SNX18: variants seen among roughly 807,000 people sequenced by gnomAD.
SNX18 encodes the protein sorting nexin 18.
A neutral mutation model predicts 48.7 loss-of-function variants in SNX18; 35 were observed. The ratio of observed to expected loss-of-function variants is 0.72; its 90% CI spans 0.55 to 0.95. The LOEUF is 0.95. Ranked by LOEUF, SNX18 falls within the 40% of genes least tolerant of loss-of-function variation. The pLI, the probability that SNX18 is intolerant of heterozygous loss-of-function variation, is 0.00. For missense variants in SNX18, 824 were observed against 871.0 expected, an observed-to-expected ratio of 0.95 and a Z score of 0.68; for synonymous variants, 492 against 384.7, an observed-to-expected ratio of 1.28 and a Z score of -3.26.
At chr5:54,520,537 G>GAAACCTACTCCTGAGCAGAT (rs1360975523) in intron 1 of SNX18, 1 of 166,858 alleles carries the variant, frequency 6.0e-6, no homozygotes, top group Non-Finnish European at 1.5e-5. Context: ...CCTGAGCAGG[G>GAAACCTACTCCTGAGCAGAT]AAACCTACTG....
intron 1 of SNX18, among the ~76,000 whole-genome samples, chr5:54,533,932 A>AGC (rs1226345785): frequency 6.6e-6 from 1 of 152,122 alleles, no homozygotes; most frequent in Admixed American, 6.5e-5. Flanking sequence ...GTTAATGGGG[A>AGC]GTTAGTAGGG....
the SNX18 span, among the ~76,000 whole-genome samples, chr5:54,591,957 C>T: frequency 6.6e-6 from 1 of 152,204 alleles, no homozygotes; most frequent in Non-Finnish European, 1.5e-5. Context: ...CCTATCCTGG[C>T]TGATATAACT....
chr5:54,613,306 G>A, the SNX18 span, among the ~76,000 whole-genome samples: 5 of 151,718 alleles, frequency 3.3e-5, no homozygotes, highest in Non-Finnish European at 5.9e-5. Context: ...AGATTGGGAC[G>A]TTCAAGGTTG....
At chr5:54,642,947 G>A in the SNX18 span, among the ~76,000 whole-genome samples, 76 of 152,272 alleles carry the variant, frequency 5.0e-4, 1 homozygote, top group Non-Finnish European at 8.7e-4. Flanking sequence ...TGTAACACAC[G>A]TTTATCTTGG....
chr5:54,638,330 T>TG, the SNX18 span, among the ~76,000 whole-genome samples: 1 of 152,184 alleles, frequency 6.6e-6, no homozygotes, highest in Non-Finnish European at 1.5e-5. Flanking sequence ...GGGAGGGACT[T>TG]GGAGACAGAT....
In SNX18 at chr5:54,542,419, C is replaced by A. The variant is rs1762488729; in HGVS notation, c.1622-760C>A. On this transcript the variant is annotated intron_variant, in intron 1 of 1. Coordinates refer to ENST00000381410, the MANE Select transcript of SNX18 (RefSeq NM_001102575.2). ...GATCCTTATAGTCCCAAAAAAGGGG[C>A]AAATTCTTATTAAAGCCCTTGTACT... Among the ~76,000 whole-genome samples, 6 of 152,314 alleles carry A rather than the reference C, an allele frequency of 3.9e-5. No individual in the cohort carries two copies. In the South Asian group the frequency reaches 1.2e-3, roughly 32 times the overall value.
chr5:54,573,824 C>T, the SNX18 span, among the ~76,000 whole-genome samples: 1 of 152,184 alleles, frequency 6.6e-6, no homozygotes, highest in Non-Finnish European at 1.5e-5. Context: ...ATCTGGTAGA[C>T]TCAGTGCAGC....
At chr5:54,632,049 G>A in the SNX18 span, among the ~76,000 whole-genome samples, 1 of 152,202 alleles carries the variant, frequency 6.6e-6, no homozygotes, top group African/African-American at 2.4e-5. Flanking sequence ...AGCCTGGCAT[G>A]TCCTTGCCCC....
chr5:54,632,126 G>A, the SNX18 span, among the ~76,000 whole-genome samples: 8,014 of 152,250 alleles, frequency 0.053, 288 homozygotes, highest in Non-Finnish European at 0.082. Flanking sequence ...GCTGGTTCCT[G>A]GTCCCATAAG....
chr5:54,519,951 T>C, intron 1 of SNX18: 1 of 862,536 alleles, frequency 1.2e-6, no homozygotes, highest in Non-Finnish European at 1.8e-6. Context: ...GCACTGTCAC[T>C]TAGTGGTGAG....
At chr5:54,551,137 C>G (rs1169184065), downstream of SNX18, among the ~76,000 whole-genome samples, 1 of 151,328 alleles carries the variant, frequency 6.6e-6, no homozygotes, top group Non-Finnish European at 1.5e-5. Context: ...AGCTCTGTGC[C>G]AACCCCTTCG....
chr5:54,534,962 T>C (rs1014373877), intron 1 of SNX18, among the ~76,000 whole-genome samples: 13 of 152,228 alleles, frequency 8.5e-5, no homozygotes, highest in African/African-American at 3.1e-4. Context: ...TTTAATGATA[T>C]GCTGTGTAAA....
rs533929730 is a variant in SNX18, at chr5:54,532,064, A to G, written c.1622-11115A>G. The stretch of plus-strand genomic sequence containing the variant: ...TGCCTTGCCTTGGCTTCTCTCGTAA[A>G]GAGCAGGGGCCACTTTACTCTCTTC... On this transcript the variant is annotated intron_variant, in intron 1 of 1. Coordinates refer to ENST00000381410, the MANE Select transcript of SNX18 (RefSeq NM_001102575.2). 3.2e-4 allele frequency among the ~76,000 whole-genome samples: 49 copies of G among 152,308 alleles called. No individual in the cohort carries two copies. In the South Asian group the frequency reaches 5.2e-3, roughly 16 times the overall value.
chr5:54,518,552 C>G lies in SNX18; in HGVS notation c.600C>G (p.Asp200Glu). The G allele has an allele frequency of 6.3e-7, 1 of 1,589,270 alleles. No individual in the cohort carries two copies. The highest frequency in any genetic ancestry group is 8.6e-7 in the Non-Finnish European group (1 of 1,168,500). The change falls in exon 1 of 2, where the codon GAC becomes GAG. Residue 200 changes from aspartate (D) to glutamate (E), a missense_variant. By Grantham distance (45) the Asp-to-Glu change is conservative. Coordinates refer to ENST00000381410, the MANE Select transcript of SNX18 (RefSeq NM_001102575.2). ...AGRYRLSTRS[D>E]LSLGSRGGSV... The stretch of plus-strand genomic sequence containing the variant: ...GCTACCGCCTGTCCACGCGCTCCGA[C>G]CTGTCCCTGGGTTCCCGCGGCGGCT...
At chr5:54,550,014 G>A (rs181538209), downstream of SNX18, among the ~76,000 whole-genome samples, 10 of 152,308 alleles carry the variant, frequency 6.6e-5, 1 homozygote, top group East Asian at 7.7e-4. Flanking sequence ...TAAAAACATT[G>A]GAGTGCAGTT....
chr5:54,640,210 CTTTTT>C, the SNX18 span, among the ~76,000 whole-genome samples: 1 of 146,310 alleles, frequency 6.8e-6, no homozygotes, highest in East Asian at 2.0e-4. Flanking sequence ...GAAATAGATT[CTTTTT>C]TTTTTTTTCT....
rs1228629163 is a variant in SNX18 at position 54,544,214 on chromosome 5, C to T, written c.*782C>T. On this transcript the variant is annotated 3_prime_UTR_variant, in exon 2 of 2. Transcript: ENST00000381410. ...AGATGCAACAGTAGCATAGCCTCTT[C>T]ACCCAGGCGTCCCAAAAGCTTGGCG... 1.3e-5 allele frequency: 2 copies of T among 152,154 alleles called. No individual in the cohort carries two copies. The highest frequency in any genetic ancestry group is 4.8e-5 in the African/African-American group (2 of 41,428). The allele number at this position is 152,154 out of a possible 1,614,324, so 9.4% of individuals were successfully genotyped here.
At chr5:54,573,549 A>T in the SNX18 span, among the ~76,000 whole-genome samples, 1 of 152,190 alleles carries the variant, frequency 6.6e-6, no homozygotes, top group Non-Finnish European at 1.5e-5. Flanking sequence ...CCATCCTCTC[A>T]GGGGTACAAA....
chr5:54,647,263 AGATC>A, the SNX18 span, among the ~76,000 whole-genome samples: 1 of 152,226 alleles, frequency 6.6e-6, no homozygotes, highest in African/African-American at 2.4e-5. Context: ...CGCAGGAAAA[AGATC>A]GTATTGCCCT....
Sources: allele counts gnomAD v4.1 joint callset (sites outside exome capture counted in the v4.1 genomes callset), GRCh38; gene constraint gnomAD v4.1.1; transcripts MANE v1.5; gene names NCBI Gene and HGNC (gene_info 2026-07-23, HGNC 2026-07-21).